Variants in DPP10 observed in about 807,000 individuals in gnomAD.
DPP10 encodes dipeptidyl peptidase like 10.
DPP10 carries 33 observed loss-of-function variants against 120.9 expected under a neutral mutation model. The observed-to-expected ratio is 0.27, with a 90% CI of 0.21 to 0.37. The LOEUF (loss-of-function observed/expected upper bound fraction) is 0.37, where lower values mean the gene tolerates loss of function less well. Among genes scored for constraint, DPP10 ranks in the 10% least tolerant of loss-of-function variants. The pLI is 1.00. For synonymous variants in DPP10, 337 were observed against 326.1 expected (o/e 1.03, Z -0.36); for missense variants, 816 against 942.8 (o/e 0.87, Z 1.76).
At chr2:115,638,003 C>T (rs562612281) in intron 5 of DPP10, among the ~76,000 whole-genome samples, 129 of 152,308 alleles carry the variant, frequency 8.5e-4, no homozygotes, top group African/African-American at 2.9e-3. Context: ...TGTTAGGCTT[C>T]ACTCTAGACT....
chr2:115,405,754 C>T (rs2068460202), intron 3 of DPP10, among the ~76,000 whole-genome samples: 1 of 152,224 alleles, frequency 6.6e-6, no homozygotes, highest in Non-Finnish European at 1.5e-5. Flanking sequence ...GCGGCATGAG[C>T]TGTACCTGGG....
chr2:114,786,541 C>T (rs1682785052), intron 1 of DPP10, among the ~76,000 whole-genome samples: 1 of 152,176 alleles, frequency 6.6e-6, no homozygotes, highest in Non-Finnish European at 1.5e-5. Flanking sequence ...GCACAGATAT[C>T]CACAATTCTA....
intron 3 of DPP10, among the ~76,000 whole-genome samples, chr2:115,378,026 G>C (rs1285131588): frequency 6.6e-6 from 1 of 151,826 alleles, no homozygotes; most frequent in Non-Finnish European, 1.5e-5. Context: ...GGATTGACTT[G>C]GCGATGCGGG....
intron 5 of DPP10, among the ~76,000 whole-genome samples, chr2:115,668,549 C>A (rs530423267): frequency 1.2e-4 from 19 of 152,206 alleles, no homozygotes; most frequent in Non-Finnish European, 2.6e-4. Context: ...CCTATTATAG[C>A]AGCAGAAAAT....
At chr2:114,890,973 A>G (rs1692492731) in intron 1 of DPP10, among the ~76,000 whole-genome samples, 1 of 152,206 alleles carries the variant, frequency 6.6e-6, no homozygotes, top group Non-Finnish European at 1.5e-5. Context: ...ACATAGGAAA[A>G]CACACCGAGT....
intron 1 of DPP10, among the ~76,000 whole-genome samples, chr2:114,446,086 T>C (rs558950761): frequency 1.3e-5 from 2 of 152,338 alleles, no homozygotes; most frequent in African/African-American, 4.8e-5. Context: ...GAATGCTAAA[T>C]AGAGATCAGA....
At chr2:115,276,535 C>T (rs1331791147) in intron 1 of DPP10, among the ~76,000 whole-genome samples, 1 of 152,146 alleles carries the variant, frequency 6.6e-6, no homozygotes. Flanking sequence ...GGTTGAGTGT[C>T]CAAGAGAAGA....
At chr2:114,494,681 G>A (rs1208287320) in intron 1 of DPP10, among the ~76,000 whole-genome samples, 1 of 152,134 alleles carries the variant, frequency 6.6e-6, no homozygotes, top group Non-Finnish European at 1.5e-5. Flanking sequence ...AAAAGGGAGT[G>A]ACATACCATG....
chr2:115,737,742 T>G (rs1676743894), intron 8 of DPP10, among the ~76,000 whole-genome samples: 1 of 152,174 alleles, frequency 6.6e-6, no homozygotes, highest in Non-Finnish European at 1.5e-5. Context: ...TTGTGTTGTT[T>G]TCAAAGTCCA....
chr2:114,766,833 T>C (rs1680747566), intron 1 of DPP10, among the ~76,000 whole-genome samples: 1 of 152,042 alleles, frequency 6.6e-6, no homozygotes, highest in Admixed American at 6.6e-5. Flanking sequence ...ATGATGACAC[T>C]GTTCTGCATC....
rs116207447 is a variant in DPP10 at position 115,490,359 on chromosome 2, C to T, written c.272-9151C>T. On this transcript the variant is annotated intron_variant, in intron 3 of 25. Transcript: ENST00000410059. ...CCATCAGACCTTGTGAGAACTCACTCGCTATCAGGACAACAGCATGGGGGA... is the reference window on the plus strand; with the variant it reads ...CCATCAGACCTTGTGAGAACTCACTTGCTATCAGGACAACAGCATGGGGGA... 7.8e-3 allele frequency among the ~76,000 whole-genome samples: 1,190 copies of T among 152,226 alleles called. 10 individuals carry two copies. The highest frequency in any genetic ancestry group is 0.014 in the Non-Finnish European group (933 of 68,014).
At chr2:115,483,397 C>T (rs2075557941) in intron 3 of DPP10, among the ~76,000 whole-genome samples, 1 of 152,140 alleles carries the variant, frequency 6.6e-6, no homozygotes, top group African/African-American at 2.4e-5. Flanking sequence ...GAAACATACT[C>T]CTTCTTCGTT....
At chr2:115,453,348 T>G (rs1157842811) in intron 3 of DPP10, among the ~76,000 whole-genome samples, 1 of 151,524 alleles carries the variant, frequency 6.6e-6, no homozygotes, top group Admixed American at 6.6e-5. Context: ...TTCTATAAAT[T>G]AGAAAATTTT....
intron 1 of DPP10, among the ~76,000 whole-genome samples, chr2:114,450,727 T>TAA (rs535824596): frequency 2.2e-4 from 29 of 132,836 alleles, no homozygotes; most frequent in Admixed American, 6.0e-4. Context: ...CTTCTGTAAG[T>TAA]AAAAAAAAAA....
At chr2:115,800,127 A>C (rs79495880) in intron 19 of DPP10, among the ~76,000 whole-genome samples, 145,920 of 150,594 alleles carry the variant, frequency 0.97, 70,887 homozygotes, top group East Asian at 1. Flanking sequence ...GATCGCCATT[A>C]TAACTGGTGT....
rs201964006 is a variant in DPP10, at chr2:115,067,861, CA to C, written c.61-241359del. Among the ~76,000 whole-genome samples, 329 of 86,826 alleles carry C rather than the reference CA, an allele frequency of 3.8e-3. 1 individual carries two copies. The highest frequency in any genetic ancestry group is 7.1e-3 in the Middle Eastern group (1 of 140). 57.0% of individuals were successfully genotyped at this position (86,826 alleles called of 152,430 possible). A position where few individuals can be genotyped will look rare whatever the true frequency, so the allele number is the denominator to read the frequency against. On this transcript the variant is annotated intron_variant, in intron 1 of 25. Transcript: ENST00000410059. ...TGGGCGACACAGCAAGACTCTGTCTCAAAAAAAAAAAAAAAAAAAGAAAAAA... is the reference window on the plus strand; with the variant it reads ...TGGGCGACACAGCAAGACTCTGTCTCAAAAAAAAAAAAAAAAAAGAAAAAA...
At chr2:115,593,123 C>T (rs1422331049) in intron 5 of DPP10, among the ~76,000 whole-genome samples, 2 of 152,054 alleles carry the variant, frequency 1.3e-5, no homozygotes, top group African/African-American at 4.8e-5. Flanking sequence ...TTGTTTAAAT[C>T]TTCTTTAGTC....
chr2:114,680,435 C>T (rs941062403), intron 1 of DPP10, among the ~76,000 whole-genome samples: 9 of 151,956 alleles, frequency 5.9e-5, no homozygotes, highest in African/African-American at 2.2e-4. Context: ...TCTCACCACT[C>T]TGGTTTCACA....
At chr2:115,679,437 A>C (rs1013609358) in intron 5 of DPP10, among the ~76,000 whole-genome samples, 2 of 152,094 alleles carry the variant, frequency 1.3e-5, no homozygotes, top group Admixed American at 6.6e-5. Flanking sequence ...CTTGTGAAGG[A>C]CATGTTTGCT....
Sources: gnomAD v4.1 joint callset for allele counts (sites outside exome capture counted in the v4.1 genomes callset) on GRCh38, gnomAD v4.1.1 for gene constraint, MANE v1.5 for transcripts, NCBI Gene and HGNC (gene_info 2026-07-23, HGNC 2026-07-21) for gene names.